The following CNTNAP2 variants were observed in gnomAD, a reference collection of about 807,000 sequenced individuals.
CNTNAP2 encodes contactin-associated protein-like 2.
A neutral mutation model predicts 155.2 loss-of-function variants in CNTNAP2; 98 were observed. That is an observed-to-expected ratio of 0.63 (90% CI 0.54 to 0.75). CNTNAP2 has a LOEUF of 0.75. CNTNAP2 is among the 30% of genes least tolerant of loss of function. The probability of loss-of-function intolerance (pLI) is 0.00; values close to 1 mark genes in which losing one functional copy is unlikely to be tolerated. For synonymous variants in CNTNAP2, 651 were observed against 631.2 expected (o/e 1.03, Z -0.47); for missense variants, 1,727 against 1,688.1 (o/e 1.02, Z -0.40).
chr7:148,251,468 G>GT (rs540619518), intron 20 of CNTNAP2, among the ~76,000 whole-genome samples: 1 of 151,572 alleles, frequency 6.6e-6, no homozygotes, highest in Non-Finnish European at 1.5e-5. Flanking sequence ...GGTGTCCAAA[G>GT]TTTTTTTTAG....
At chr7:147,716,278 A>C (rs976305711) in intron 13 of CNTNAP2, among the ~76,000 whole-genome samples, 2 of 152,174 alleles carry the variant, frequency 1.3e-5, no homozygotes, top group African/African-American at 4.8e-5. Flanking sequence ...GAGTGAGGTT[A>C]ACAGTGAACG....
intron 14 of CNTNAP2, among the ~76,000 whole-genome samples, chr7:147,948,159 G>A (rs1003289864): frequency 1.3e-5 from 2 of 151,904 alleles, no homozygotes; most frequent in African/African-American, 4.8e-5. Context: ...CCTCAATGGT[G>A]AACTTAAAAT....
chr7:148,228,028 A>G (rs753888694), intron 19 of CNTNAP2, among the ~76,000 whole-genome samples: 2 of 150,500 alleles, frequency 1.3e-5, no homozygotes, highest in Non-Finnish European at 3.0e-5. Flanking sequence ...TTTTCTGTTT[A>G]CTTTCTATGT....
chr7:148,164,194 T>C (rs1041899822), intron 17 of CNTNAP2, among the ~76,000 whole-genome samples: 2 of 152,152 alleles, frequency 1.3e-5, no homozygotes, highest in African/African-American at 4.8e-5. Flanking sequence ...TGCCTCGGCC[T>C]CCCAAAGTGC....
At chr7:146,163,493 C>A (rs183449945) in intron 1 of CNTNAP2, among the ~76,000 whole-genome samples, 3,485 of 127,304 alleles carry the variant, frequency 0.027, 56 homozygotes, top group Non-Finnish European at 0.041. Context: ...CTATCTATAT[C>A]TATATCTATA....
In CNTNAP2 at chr7:147,450,369, T is replaced by G. The variant is rs1350854155; in HGVS notation, c.1671-35566T>G. Reference sequence around the variant, plus strand: ...TGCTACAGCAATAAAGAACTGAATTTTTCCAGCAACCTGAATTACCTTGCA... The same window carrying G: ...TGCTACAGCAATAAAGAACTGAATTGTTCCAGCAACCTGAATTACCTTGCA... On this transcript the variant is annotated intron_variant, in intron 10 of 23. Transcript: ENST00000361727. Among the ~76,000 whole-genome samples, 3 of 152,174 alleles carry G rather than the reference T, an allele frequency of 2.0e-5. No individual in the cohort carries two copies. The East Asian group carries it at 5.8e-4, about 29-fold the overall frequency.
chr7:146,571,424 G>A (rs921720140), intron 1 of CNTNAP2, among the ~76,000 whole-genome samples: 4 of 151,696 alleles, frequency 2.6e-5, no homozygotes, highest in East Asian at 1.9e-4. Context: ...CAACTTTAAC[G>A]CCACCAAAAA....
intron 13 of CNTNAP2, among the ~76,000 whole-genome samples, chr7:147,644,420 A>T (rs1333295220): frequency 6.6e-6 from 1 of 152,208 alleles, no homozygotes; most frequent in Non-Finnish European, 1.5e-5. Flanking sequence ...CAGGAGTTCA[A>T]GACCAGCCTG....
At chr7:147,936,295 A>ATTT (rs1387621652) in intron 14 of CNTNAP2, among the ~76,000 whole-genome samples, 1 of 115,338 alleles carries the variant, frequency 8.7e-6, no homozygotes, top group South Asian at 3.1e-4. Flanking sequence ...CACGACATTT[A>ATTT]TTTTATTTTT....
At chr7:148,286,861 C>G (rs1310963942) in intron 21 of CNTNAP2, among the ~76,000 whole-genome samples, 3 of 152,190 alleles carry the variant, frequency 2.0e-5, no homozygotes, top group African/African-American at 7.2e-5. Context: ...TCCCTCACCC[C>G]TCCCCACGTT....
intron 8 of CNTNAP2, among the ~76,000 whole-genome samples, chr7:147,279,294 T>A (rs1031770734): frequency 6.6e-6 from 1 of 151,756 alleles, no homozygotes; most frequent in African/African-American, 2.4e-5. Flanking sequence ...TTGATCAGGC[T>A]AATGGTGAGA....
Position 147,325,388 on chromosome 7 carries a change from A to G in CNTNAP2, c.1498+25098A>G, listed in dbSNP as rs543408842. Among the ~76,000 whole-genome samples, 35 of 152,316 alleles carry G rather than the reference A, an allele frequency of 2.3e-4. No individual in the cohort carries two copies. In the South Asian group the frequency reaches 6.8e-3, roughly 30 times the overall value. ...TATAGTGGTATAATATATCCATTTA[A>G]TGTTTTGGAATGCCATGTCTGCCTC... On this transcript the variant is annotated intron_variant, in intron 9 of 23. Coordinates refer to ENST00000361727, the MANE Select transcript of CNTNAP2 (RefSeq NM_014141.6).
chr7:148,009,644 G>A (rs1212792798), intron 15 of CNTNAP2, among the ~76,000 whole-genome samples: 1 of 152,102 alleles, frequency 6.6e-6, no homozygotes, highest in African/African-American at 2.4e-5. Context: ...GTATGTGTAT[G>A]TGTGTGCTCT....
At chr7:148,120,456 G>A (rs549801592) in intron 16 of CNTNAP2, among the ~76,000 whole-genome samples, 17 of 151,920 alleles carry the variant, frequency 1.1e-4, no homozygotes, top group South Asian at 2.1e-4. Context: ...TTGTCACTGC[G>A]GGATCTCGCC....
intron 1 of CNTNAP2, among the ~76,000 whole-genome samples, chr7:146,671,442 C>CACACACAT (rs1201909617): frequency 3.9e-5 from 6 of 151,984 alleles, no homozygotes; most frequent in South Asian, 4.2e-4. Flanking sequence ...CACACACACA[C>CACACACAT]ACACACACAC....
intron 2 of CNTNAP2, among the ~76,000 whole-genome samples, chr7:146,796,342 A>G (rs1443680169): frequency 6.6e-6 from 1 of 152,148 alleles, no homozygotes; most frequent in Admixed American, 6.5e-5. Context: ...CGTCACATCC[A>G]TCTCCCTGAG....
chr7:146,703,849 C>G (rs886310526), intron 1 of CNTNAP2, among the ~76,000 whole-genome samples: 11 of 152,134 alleles, frequency 7.2e-5, no homozygotes, highest in Non-Finnish European at 1.2e-4. Flanking sequence ...TGAACCATAG[C>G]ACTTCATTCC....
intron 4 of CNTNAP2, among the ~76,000 whole-genome samples, chr7:147,053,024 G>A (rs1799499623): frequency 6.6e-6 from 1 of 152,126 alleles, no homozygotes; most frequent in Non-Finnish European, 1.5e-5. Flanking sequence ...TAGAATTGGA[G>A]TGCTTTGTAA....
chr7:147,334,446 A>G (rs1329922164), intron 9 of CNTNAP2, among the ~76,000 whole-genome samples: 1 of 152,176 alleles, frequency 6.6e-6, no homozygotes, highest in Non-Finnish European at 1.5e-5. Flanking sequence ...TCTTATTATC[A>G]TCTCTAATAA....
Sources: allele counts gnomAD v4.1 joint callset (sites outside exome capture counted in the v4.1 genomes callset), GRCh38; gene constraint gnomAD v4.1.1; transcripts MANE v1.5; gene names NCBI Gene and HGNC (gene_info 2026-07-23, HGNC 2026-07-21).